MAPK10: variants seen among roughly 807,000 people sequenced by gnomAD.
MAPK10 encodes mitogen-activated protein kinase 10.
MAPK10 carries 25 observed loss-of-function variants against 59.3 expected under a neutral mutation model. The ratio of observed to expected loss-of-function variants is 0.42; its 90% CI spans 0.31 to 0.59. The LOEUF (loss-of-function observed/expected upper bound fraction) is 0.59. Among genes scored for constraint, MAPK10 ranks in the 20% least tolerant of loss-of-function variants. The probability of loss-of-function intolerance (pLI) is 0.15; values close to 1 mark genes in which losing one functional copy is unlikely to be tolerated. For synonymous variants in MAPK10, 190 were observed against 200.5 expected (o/e 0.95, Z 0.44); for missense variants, 351 against 568.9 (o/e 0.62, Z 3.90).
intron 1 of MAPK10, chr4:86,357,123 T>C (rs1313552009): frequency 6.6e-6 from 1 of 152,220 alleles, no homozygotes. Context: ...CTCATTCTAA[T>C]TGAAGGAAGT....
At chr4:86,098,784 G>T (rs907231913) in intron 8 of MAPK10, 189 bp from the exon 9 acceptor site, 1 of 531,050 alleles carries the variant, frequency 1.9e-6, no homozygotes, top group East Asian at 3.0e-5. Flanking sequence ...TTTAGTATGA[G>T]AACTCAAATT....
chr4:86,421,004 C>G (rs1746458127), intron 1 of MAPK10, among the ~76,000 whole-genome samples: 1 of 151,958 alleles, frequency 6.6e-6, no homozygotes, highest in Non-Finnish European at 1.5e-5. Context: ...ATCGCTTGAA[C>G]CCGGGAGGCA....
At chr4:86,572,149 C>T (rs1187149052) in intron 1 of MAPK10, among the ~76,000 whole-genome samples, 1 of 152,094 alleles carries the variant, frequency 6.6e-6, no homozygotes. Flanking sequence ...GGAAACACTA[C>T]ACAAAATTTA....
At position 86,093,630 on chromosome 4, in the gene MAPK10, A is replaced by G. The variant is rs2053661876; in HGVS notation, c.802+4894T>C. Among the ~76,000 whole-genome samples, 3 of 152,006 alleles carry G rather than the reference A, an allele frequency of 2.0e-5. No homozygotes were observed. The South Asian group carries it at 6.2e-4, about 31-fold the overall frequency. The stretch of plus-strand genomic sequence containing the variant: ...TACATATTTTGCACATGTGAATCTA[A>G]GTAAGAAAAATAAGCAACAATTCGC... On this transcript the variant is annotated intron_variant, in intron 9 of 13. Transcript: ENST00000641462.
At chr4:86,249,011 T>G (rs1241316114) in intron 2 of MAPK10, among the ~76,000 whole-genome samples, 1 of 152,278 alleles carries the variant, frequency 6.6e-6, no homozygotes, top group East Asian at 1.9e-4. Flanking sequence ...AATATAGAAC[T>G]AATCTAAATC....
chr4:86,523,409 A>G (rs1757261454), intron 1 of MAPK10, among the ~76,000 whole-genome samples: 1 of 152,246 alleles, frequency 6.6e-6, no homozygotes, highest in South Asian at 2.1e-4. Flanking sequence ...GAGCAACAGC[A>G]CTGCCTATTC....
At chr4:86,258,785 G>C (rs1268817122) in intron 2 of MAPK10, among the ~76,000 whole-genome samples, 1 of 151,960 alleles carries the variant, frequency 6.6e-6, no homozygotes, top group Admixed American at 6.6e-5. Flanking sequence ...CCTCATTCAA[G>C]TCTTTGCTAA....
intron 2 of MAPK10, among the ~76,000 whole-genome samples, chr4:86,313,749 A>G (rs1343746870): frequency 6.6e-6 from 1 of 152,152 alleles, no homozygotes; most frequent in Non-Finnish European, 1.5e-5. Context: ...ACTCAGAAAC[A>G]TTTCTGGTAG....
chr4:86,146,897 C>T (rs2065143956), intron 4 of MAPK10, among the ~76,000 whole-genome samples: 1 of 152,136 alleles, frequency 6.6e-6, no homozygotes, highest in Non-Finnish European at 1.5e-5. Context: ...TTACATCAAT[C>T]TCTTGATTAG....
At chr4:86,164,012 C>T (rs538879514) in intron 3 of MAPK10, among the ~76,000 whole-genome samples, 81 of 152,230 alleles carry the variant, frequency 5.3e-4, no homozygotes, top group African/African-American at 1.9e-3. Context: ...AGCATTCTCT[C>T]CTCATTTTCA....
At chr4:86,534,721 C>G (rs1758102555) in intron 1 of MAPK10, among the ~76,000 whole-genome samples, 1 of 152,030 alleles carries the variant, frequency 6.6e-6, no homozygotes, top group Admixed American at 6.6e-5. Context: ...GCCTGGCCAA[C>G]ATGGTGAAAA....
At chr4:86,357,921 G>A (rs1735341933) in intron 1 of MAPK10, 1 of 199,562 alleles carries the variant, frequency 5.0e-6, no homozygotes, top group Admixed American at 6.5e-5. Context: ...GAAGCATGAA[G>A]ACTCTCTAAT....
chr4:86,372,338 G>A (rs1208949986), intron 1 of MAPK10, among the ~76,000 whole-genome samples: 1 of 151,934 alleles, frequency 6.6e-6, no homozygotes, highest in Non-Finnish European at 1.5e-5. Context: ...TCAACATGGT[G>A]AAACCCTGTC....
chr4:86,052,237 C>T (rs2043692375), intron 11 of MAPK10, among the ~76,000 whole-genome samples: 1 of 152,020 alleles, frequency 6.6e-6, no homozygotes, highest in Non-Finnish European at 1.5e-5. Context: ...TACCCGAAGA[C>T]AATAAATTAT....
chr4:86,264,335 C>T (rs1307204790), intron 2 of MAPK10, among the ~76,000 whole-genome samples: 2 of 152,108 alleles, frequency 1.3e-5, no homozygotes, highest in Non-Finnish European at 2.9e-5. Context: ...AAAGTGCAAA[C>T]ATTCACAGAG....
intron 9 of MAPK10, chr4:86,079,458 A>AT (rs1279132385): frequency 6.6e-6 from 1 of 152,076 alleles, no homozygotes; most frequent in Non-Finnish European, 1.5e-5. Flanking sequence ...TACAAGACTA[A>AT]TTTTTTACTG....
intron 2 of MAPK10, among the ~76,000 whole-genome samples, chr4:86,236,275 C>T (rs188785556): frequency 6.6e-6 from 1 of 152,248 alleles, no homozygotes; most frequent in African/African-American, 2.4e-5. Context: ...CTTTTTATCA[C>T]ATAATATAAC....
At chr4:86,121,354 T>A (rs1035848655) in intron 4 of MAPK10, among the ~76,000 whole-genome samples, 21 of 152,278 alleles carry the variant, frequency 1.4e-4, no homozygotes, top group Non-Finnish European at 2.8e-4. Flanking sequence ...CTTTGGGGTC[T>A]CTTTTATAAG....
At chr4:86,487,251 T>C (rs1385889707) in intron 1 of MAPK10, among the ~76,000 whole-genome samples, 3 of 152,268 alleles carry the variant, frequency 2.0e-5, no homozygotes, top group Middle Eastern at 3.4e-3. Context: ...AACTGTATTA[T>C]GGTAATGTAA....
Sources: gnomAD v4.1 joint callset for allele counts (sites outside exome capture counted in the v4.1 genomes callset) on GRCh38, gnomAD v4.1.1 for gene constraint, MANE v1.5 for transcripts, NCBI Gene and HGNC (gene_info 2026-07-23, HGNC 2026-07-21) for gene names.